DDX60: variants seen among roughly 807,000 people sequenced by gnomAD.
DDX60 encodes probable ATP-dependent RNA helicase DDX60.
DDX60 carries 165 observed loss-of-function variants against 212.8 expected under a neutral mutation model. The ratio of observed to expected loss-of-function variants is 0.78; its 90% CI spans 0.68 to 0.88. DDX60 has a LOEUF of 0.88. Ranked by LOEUF, DDX60 falls within the 40% of genes least tolerant of loss-of-function variation. The pLI is 0.00. For synonymous variants in DDX60, 703 were observed against 685.3 expected, an observed-to-expected ratio of 1.03 and a Z score of -0.40; for missense variants, 1,905 against 2,003.9, an observed-to-expected ratio of 0.95 and a Z score of 0.94.
intron 13 of DDX60, among the ~76,000 whole-genome samples, chr4:168,281,376 T>C (rs1307564953): frequency 6.6e-6 from 1 of 152,160 alleles, no homozygotes; most frequent in Non-Finnish European, 1.5e-5. Context: ...AGACACCTAT[T>C]GAAGCACTCA....
intron 37 of DDX60, among the ~76,000 whole-genome samples, chr4:168,217,279 C>T (rs1732881757): frequency 6.6e-6 from 1 of 152,114 alleles, no homozygotes; most frequent in African/African-American, 2.4e-5. Context: ...TCTGAAAAGC[C>T]ATCAAATTCC....
At chr4:168,287,749 G>T (rs1735923742) in intron 9 of DDX60, among the ~76,000 whole-genome samples, 2 of 151,558 alleles carry the variant, frequency 1.3e-5, no homozygotes, top group Admixed American at 1.3e-4. Flanking sequence ...CCTAAGAAAA[G>T]ATTTTAAAGA....
intron 30 of DDX60, among the ~76,000 whole-genome samples, chr4:168,246,205 T>C (rs923783473): frequency 4.6e-5 from 7 of 152,146 alleles, no homozygotes; most frequent in Non-Finnish European, 8.8e-5. Flanking sequence ...TCAGTGCCCA[T>C]CCAGCCACAA....
intron 33 of DDX60, 143 bp from the exon 34 acceptor site, chr4:168,225,819 T>G: frequency 1.3e-6 from 1 of 774,014 alleles, no homozygotes; most frequent in South Asian, 2.4e-5. Flanking sequence ...ACTGTTTCAT[T>G]TTTTCACTGG....
At chr4:168,309,872 A>G (rs1282775054) in intron 3 of DDX60, among the ~76,000 whole-genome samples, 1 of 152,162 alleles carries the variant, frequency 6.6e-6, no homozygotes, top group African/African-American at 2.4e-5. Flanking sequence ...GAGCACCAGG[A>G]TTTAGAGCAG....
intron 32 of DDX60, 72 bp downstream of exon 32, chr4:168,237,214 G>A (rs1733658360): frequency 4.6e-6 from 5 of 1,077,444 alleles, no homozygotes; most frequent in South Asian, 7.2e-5. Context: ...TTCCTGAAGT[G>A]TTGTTTTTCT....
intron 18 of DDX60, 131 bp downstream of exon 18, chr4:168,273,143 TAAAAG>T: frequency 1.1e-6 from 1 of 920,108 alleles, no homozygotes; most frequent in South Asian, 1.9e-5. Context: ...ACATTTTTTC[TAAAAG>T]TATTTTGTCT....
chr4:168,310,486 G>C (rs1737081508), intron 3 of DDX60, among the ~76,000 whole-genome samples: 1 of 152,136 alleles, frequency 6.6e-6, no homozygotes, highest in African/African-American at 2.4e-5. Flanking sequence ...GCCTTTGAAG[G>C]CATGTTTTGG....
intron 25 of DDX60, among the ~76,000 whole-genome samples, chr4:168,257,176 G>A (rs1734447493): frequency 2.0e-5 from 3 of 152,208 alleles, no homozygotes; most frequent in Admixed American, 2.0e-4. Context: ...GCTGGGCGTG[G>A]TGGCACATGC....
At chr4:168,282,601 T>C (rs1735642660) in intron 13 of DDX60, among the ~76,000 whole-genome samples, 1 of 152,188 alleles carries the variant, frequency 6.6e-6, no homozygotes, top group Non-Finnish European at 1.5e-5. Flanking sequence ...CTAAAACCTT[T>C]CATCTTGAGA....
intron 18 of DDX60, among the ~76,000 whole-genome samples, chr4:168,272,468 T>C (rs1387622830): frequency 6.6e-6 from 1 of 152,194 alleles, no homozygotes; most frequent in East Asian, 1.9e-4. Context: ...AGAGTTTAGA[T>C]TGAAAGATGT....
intron 26 of DDX60, 141 bp from the exon 27 acceptor site, chr4:168,252,797 A>C (rs1734266835): frequency 1.1e-5 from 5 of 437,936 alleles, no homozygotes; most frequent in Non-Finnish European, 1.8e-5. Context: ...CATCTTTATT[A>C]TTTTATTTTA....
intron 27 of DDX60, 32 bp from the exon 28 acceptor site, chr4:168,251,138 T>C: frequency 6.4e-7 from 1 of 1,554,878 alleles, no homozygotes. Flanking sequence ...GGGATTATGA[T>C]TTAATTTTAA....
chr4:168,279,844 T>C (rs1261683787), intron 14 of DDX60, among the ~76,000 whole-genome samples: 2 of 152,114 alleles, frequency 1.3e-5, no homozygotes, highest in Admixed American at 6.5e-5. Context: ...TCAAATTACA[T>C]GGATATTAAA....
intron 14 of DDX60, among the ~76,000 whole-genome samples, chr4:168,276,696 T>C (rs958596565): frequency 6.6e-6 from 1 of 152,212 alleles, no homozygotes; most frequent in Non-Finnish European, 1.5e-5. Context: ...TATTCATACA[T>C]ACCCTTTTTG....
At chr4:168,288,149 T>C (rs764893846) in intron 9 of DDX60, 25 bp downstream of exon 9, 3 of 1,361,774 alleles carry the variant, frequency 2.2e-6, no homozygotes, top group African/African-American at 1.5e-5. Context: ...GATGGAAGTA[T>C]GATTATAATA....
In DDX60 at chr4:168,280,589, T is replaced by A. The variant is rs1560853446; in HGVS notation, c.1724A>T (p.Glu575Val). The change falls in exon 14 of 38, where the codon GAG becomes GTG. Residue 575 changes from glutamate (E) to valine (V), a missense_variant and splice_region_variant. Glu to Val is a moderately radical substitution (Grantham distance 121). Transcript: ENST00000393743. ...TCTAGCAATTATTTCAGCCTTGGTCTCCTGCCCCAAAGGAAAAAACATCTC... is the reference window on the plus strand; with the variant it reads ...TCTAGCAATTATTTCAGCCTTGGTCACCTGCCCCAAAGGAAAAAACATCTC... Reference protein sequence around the residue: ...FSGPKSKKAHETKAEIIAREN... With the variant: ...FSGPKSKKAHVTKAEIIAREN... 1 of 1,603,624 alleles carries A rather than the reference T, an allele frequency of 6.2e-7. No homozygotes were observed. The highest frequency in any genetic ancestry group is 8.5e-7 in the Non-Finnish European group (1 of 1,176,562).
chr4:168,217,736 G>A (rs541169987), intron 37 of DDX60, among the ~76,000 whole-genome samples: 11 of 152,200 alleles, frequency 7.2e-5, no homozygotes, highest in African/African-American at 2.2e-4. Context: ...GTGAGTCTAC[G>A]AACCATTGCT....
At chr4:168,233,939 T>C (rs974441431) in intron 33 of DDX60, among the ~76,000 whole-genome samples, 9 of 152,142 alleles carry the variant, frequency 5.9e-5, no homozygotes, top group African/African-American at 1.9e-4. Flanking sequence ...CAATAGCATG[T>C]CTAATATGAT....
Sources: allele counts gnomAD v4.1 joint callset (sites outside exome capture counted in the v4.1 genomes callset), GRCh38; gene constraint gnomAD v4.1.1; transcripts MANE v1.5; gene names NCBI Gene and HGNC (gene_info 2026-07-23, HGNC 2026-07-21).